Variants in SH3YL1 observed in about 807,000 individuals in gnomAD.
SH3YL1 encodes the protein SH3 domain-containing YSC84-like protein 1.
In SH3YL1, 41 loss-of-function variants were observed where a neutral mutation model predicts 45.8. The ratio of observed to expected loss-of-function variants is 0.89; its 90% CI spans 0.70 to 1.16. The LOEUF (loss-of-function observed/expected upper bound fraction) is 1.16. Among genes scored for constraint, SH3YL1 ranks in the 50% most tolerant of loss-of-function variants. The pLI is 0.00. For missense variants in SH3YL1, 389 were observed against 409.6 expected (o/e 0.95, Z 0.43); for synonymous variants, 152 against 151.4 (o/e 1.00, Z -0.03).
At chr2:232,600 A>G (rs887199625) in intron 6 of SH3YL1, among the ~76,000 whole-genome samples, 1 of 151,436 alleles carries the variant, frequency 6.6e-6, no homozygotes, top group Non-Finnish European at 1.5e-5. Context: ...CCAGCCCCCA[A>G]CCCCCTGAAA....
At chr2:252,936 C>G in intron 2 of SH3YL1, 69 bp downstream of exon 2, 1 of 948,704 alleles carries the variant, frequency 1.1e-6, no homozygotes, top group Non-Finnish European at 1.6e-6. Flanking sequence ...AATGGAGTGT[C>G]GAACAATGCA....
chr2:245,073 A>T (rs1668736256), intron 4 of SH3YL1, among the ~76,000 whole-genome samples: 1 of 152,156 alleles, frequency 6.6e-6, no homozygotes, highest in South Asian at 2.1e-4. Flanking sequence ...AGCAGGCGGG[A>T]GTGCTCTGTT....
intron 4 of SH3YL1, among the ~76,000 whole-genome samples, chr2:237,589 C>G (rs1409790116): frequency 6.6e-6 from 1 of 152,016 alleles, no homozygotes; most frequent in East Asian, 1.9e-4. Flanking sequence ...ACAGTCTGAT[C>G]GAAGAAATAA....
intron 8 of SH3YL1, among the ~76,000 whole-genome samples, chr2:226,568 C>T (rs531800156): frequency 6.6e-6 from 1 of 152,206 alleles, no homozygotes; most frequent in South Asian, 2.1e-4. Context: ...TGAAGAATGT[C>T]ATAATGGATG....
chr2:251,132 C>T (rs908046889), intron 2 of SH3YL1, among the ~76,000 whole-genome samples: 5 of 152,178 alleles, frequency 3.3e-5, no homozygotes, highest in African/African-American at 1.2e-4. Context: ...CAGATTTCCA[C>T]TCAAATTCAG....
chr2:226,929 G>A (rs1667806515), intron 8 of SH3YL1, among the ~76,000 whole-genome samples: 1 of 152,114 alleles, frequency 6.6e-6, no homozygotes, highest in Non-Finnish European at 1.5e-5. Flanking sequence ...AATGCATATG[G>A]TGGATAGTAA....
At chr2:229,813 G>T in intron 8 of SH3YL1, 153 bp downstream of exon 8, 8 of 449,666 alleles carry the variant, frequency 1.8e-5, no homozygotes, top group Admixed American at 3.8e-5. Context: ...TTTGTCTCAT[G>T]TATTTAGAAG....
At chr2:245,148 A>G (rs999827857) in intron 4 of SH3YL1, among the ~76,000 whole-genome samples, 2 of 152,144 alleles carry the variant, frequency 1.3e-5, no homozygotes, top group Middle Eastern at 3.2e-3. Flanking sequence ...TTCTGTTAAC[A>G]TTGAAAAATA....
intron 3 of SH3YL1, among the ~76,000 whole-genome samples, chr2:248,185 C>T (rs918959895): frequency 6.6e-6 from 1 of 152,122 alleles, no homozygotes; most frequent in Non-Finnish European, 1.5e-5. Flanking sequence ...ATTCCATTTG[C>T]CATGATACGG....
At chr2:243,567 T>TAA (rs11383620) in intron 4 of SH3YL1, 23,375 of 1,228,772 alleles carry the variant, frequency 0.019, no homozygotes, top group East Asian at 0.032. Context: ...ATGTGTCTAT[T>TAA]AAAAAAAAAA....
In SH3YL1 at chr2:234,249, C is replaced by G; in HGVS notation, c.315G>C (p.Leu105=). 2 of 1,613,704 alleles carry G rather than the reference C, an allele frequency of 1.2e-6. No individual in the cohort carries two copies. The highest frequency in any genetic ancestry group is 1.3e-5 in the African/African-American group (1 of 74,998). ...GIEVSDLVII[L]NYDRAVEAFA... is the part of the protein sequence containing the mutation. The stretch of plus-strand genomic sequence containing the variant: ...AAGCTTCTACAGCACGGTCATAATT[C>G]AGAATTATCACCAAGTCTGATACCT... The change falls in exon 5 of 10, where the codon CTG becomes CTC. Residue 105 remains leucine, a synonymous_variant. Coordinates refer to ENST00000356150, the MANE Select transcript of SH3YL1 (RefSeq NM_015677.4).
chr2:232,217 C>A (rs945304009), intron 6 of SH3YL1, among the ~76,000 whole-genome samples: 19 of 151,658 alleles, frequency 1.3e-4, no homozygotes, highest in Non-Finnish European at 1.5e-5. Flanking sequence ...TTCCCTTTAC[C>A]TTTTAGGATA....
chr2:255,890 T>C (rs1260279681), intron 1 of SH3YL1: 1 of 152,278 alleles, frequency 6.6e-6, no homozygotes, highest in African/African-American at 2.4e-5. Context: ...TTTTGGCATG[T>C]TGCATTTTTT....
chr2:223,497 T>C (rs1206057483), intron 9 of SH3YL1, among the ~76,000 whole-genome samples: 1 of 152,176 alleles, frequency 6.6e-6, no homozygotes, highest in Non-Finnish European at 1.5e-5. Context: ...AGTCTAAGTC[T>C]AATCTTGAGT....
At chr2:244,059 C>T (rs1002171898) in intron 4 of SH3YL1, among the ~76,000 whole-genome samples, 12 of 152,160 alleles carry the variant, frequency 7.9e-5, no homozygotes, top group South Asian at 2.1e-4. Flanking sequence ...TGGGAGCAGA[C>T]GCTTCCCAAT....
Position 218,903 on chromosome 2 carries a change from T to C in SH3YL1, c.937A>G (p.Ile313Val), listed in dbSNP as rs1400122469. ...TCAAAATGTGAATCTGTTTTTGATA[T>C]AACTGTGATTCTGTCTCCAGCTTGA... ...NFQAGDRITV[I>V]SKTDSHFDWW... The change falls in exon 10 of 10, where the codon ATA becomes GTA. Residue 313 changes from isoleucine (I) to valine (V), a missense_variant. Coordinates refer to ENST00000356150, the MANE Select transcript of SH3YL1 (RefSeq NM_015677.4). 4 of 1,614,038 alleles carry C rather than the reference T, an allele frequency of 2.5e-6. No individual in the cohort carries two copies. The highest frequency in any genetic ancestry group is 3.4e-6 in the Non-Finnish European group (4 of 1,180,010).
chr2:230,540 G>T lies in SH3YL1; in HGVS notation c.702+483C>A, dbSNP rs138447525. Reference sequence around the variant, plus strand: ...ATTCATATATTATTATTGAGATAAGGTCTTACTCTGTTGCCTAGGCTGAGT... The same window carrying T: ...ATTCATATATTATTATTGAGATAAGTTCTTACTCTGTTGCCTAGGCTGAGT... On this transcript the variant is annotated intron_variant, in intron 7 of 9. Transcript: ENST00000356150. 1,774 of 190,608 alleles carry T rather than the reference G, an allele frequency of 9.3e-3. 19 individuals are homozygous for T. The highest frequency in any genetic ancestry group is 0.013 in the Non-Finnish European group (1,165 of 90,786). The allele number at this position is 190,608 out of a possible 1,614,324, so 11.8% of individuals were successfully genotyped here.
At position 233,151 on chromosome 2, in the gene SH3YL1, G is replaced by T. The variant is rs538534751; in HGVS notation, c.483C>A (p.Gly161=). The part of the protein sequence containing the change: ...TYCKSRGLFA[G]VSLEGSCLIE... The stretch of plus-strand genomic sequence containing the variant: ...TCAAACAGCTCCCTTCTAAAGACAC[G>T]CCTGCAAAGAGTCCCCTTGACTTGC... Residue 161 remains glycine, a synonymous_variant, in exon 6 of 10, where the codon GGC becomes GGA. Coordinates refer to ENST00000356150, the MANE Select transcript of SH3YL1 (RefSeq NM_015677.4). The T allele has an allele frequency of 1.3e-6, 2 of 1,598,650 alleles. No individual in the cohort carries two copies. The highest frequency in any genetic ancestry group is 3.5e-5 in the Admixed American group (2 of 57,958).
chr2:228,660 A>T (rs564506000), intron 8 of SH3YL1, among the ~76,000 whole-genome samples: 1 of 152,324 alleles, frequency 6.6e-6, no homozygotes, highest in East Asian at 1.9e-4. Flanking sequence ...AGTTTCAGTA[A>T]ATCAATCATC....
Sources: gnomAD v4.1 joint callset for allele counts (sites outside exome capture counted in the v4.1 genomes callset) on GRCh38, gnomAD v4.1.1 for gene constraint, MANE v1.5 for transcripts, NCBI Gene and HGNC (gene_info 2026-07-23, HGNC 2026-07-21) for gene names.